PARD3B: variants seen among roughly 807,000 people sequenced by gnomAD.
PARD3B encodes the protein partitioning defective 3 homolog B.
PARD3B carries 103 observed loss-of-function variants against 130.2 expected under a neutral mutation model. The observed-to-expected ratio is 0.79, with a 90% CI of 0.67 to 0.93. The LOEUF is 0.93. Ranked by LOEUF, PARD3B falls within the 40% of genes least tolerant of loss-of-function variation. The probability of loss-of-function intolerance (pLI) is 0.00; values close to 1 mark genes in which losing one functional copy is unlikely to be tolerated. For synonymous variants in PARD3B, 583 were observed against 553.2 expected, an observed-to-expected ratio of 1.05 and a Z score of -0.76; for missense variants, 1,609 against 1,499.2, an observed-to-expected ratio of 1.07 and a Z score of -1.21.
chr2:204,760,363 A>G (rs2040847089), intron 2 of PARD3B, among the ~76,000 whole-genome samples: 1 of 152,102 alleles, frequency 6.6e-6, no homozygotes, highest in South Asian at 2.1e-4. Flanking sequence ...TATACAAACA[A>G]TGGAATAAAT....
At chr2:204,687,780 T>TA (rs2037158295) in intron 2 of PARD3B, among the ~76,000 whole-genome samples, 1 of 152,172 alleles carries the variant, frequency 6.6e-6, no homozygotes, top group African/African-American at 2.4e-5. Flanking sequence ...AATTGTTTAT[T>TA]AATGTAGAAG....
chr2:204,589,941 A>C (rs2033004523), intron 1 of PARD3B, among the ~76,000 whole-genome samples: 1 of 152,164 alleles, frequency 6.6e-6, no homozygotes, highest in Non-Finnish European at 1.5e-5. Context: ...TAGAGCTTTG[A>C]GTTCTAGTCT....
chr2:204,686,375 T>A, intron 2 of PARD3B, 93 bp downstream of exon 2: 2 of 936,988 alleles, frequency 2.1e-6, no homozygotes, highest in South Asian at 2.7e-5. Flanking sequence ...ATGTGTCAAT[T>A]ATTATTAAAA....
Position 205,296,668 on chromosome 2 carries a change from T to C in PARD3B, c.2186-3862T>C, listed in dbSNP as rs2041805562. 2.9e-5 allele frequency among the ~76,000 whole-genome samples: 4 copies of C among 139,742 alleles called. 1 individual carries two copies. The highest frequency in any genetic ancestry group is 2.0e-4 in the East Asian group (1 of 4,962). 91.7% of individuals were successfully genotyped at this position (139,742 alleles called of 152,430 possible). On this transcript the variant is annotated intron_variant, in intron 16 of 22. Transcript: ENST00000406610. ...GTCTTGGAGTGTGTTTGTGTATGTG[T>C]GTGTGTGTGTGTGTGTGTGTGTGTG...
chr2:205,107,462 C>G (rs542674465), intron 5 of PARD3B, among the ~76,000 whole-genome samples: 1 of 152,116 alleles, frequency 6.6e-6, no homozygotes, highest in African/African-American at 2.4e-5. Context: ...TACAGACAAC[C>G]GACTTAGCAC....
intron 18 of PARD3B, among the ~76,000 whole-genome samples, chr2:205,344,259 G>T (rs1168251394): frequency 6.6e-6 from 1 of 151,192 alleles, no homozygotes; most frequent in Non-Finnish European, 1.5e-5. Context: ...GAGACCAAAA[G>T]CCGTGGAACT....
At chr2:205,118,858 A>T (rs1309552227) in intron 6 of PARD3B, 63 bp from the exon 7 acceptor site, 2 of 1,153,690 alleles carry the variant, frequency 1.7e-6, no homozygotes, top group Non-Finnish European at 2.4e-6. Flanking sequence ...AATAGTTGCA[A>T]GTGGAGAAAT....
intron 1 of PARD3B, among the ~76,000 whole-genome samples, chr2:204,549,779 A>G (rs2030307925): frequency 6.6e-6 from 1 of 152,204 alleles, no homozygotes. Flanking sequence ...TTATTTGTTA[A>G]TGGGATTATT....
intron 18 of PARD3B, among the ~76,000 whole-genome samples, chr2:205,320,519 A>T (rs1156670480): frequency 3.3e-5 from 5 of 152,210 alleles, no homozygotes; most frequent in Non-Finnish European, 7.3e-5. Context: ...ATAGGATGTA[A>T]TAGAAATTCT....
rs551392545 is a variant in PARD3B, at chr2:204,977,598, A to G, written c.394+12275A>G. On this transcript the variant is annotated intron_variant, in intron 3 of 22. Transcript: ENST00000406610. Reference sequence around the variant, plus strand: ...GCCTAGGCGGGTGGATCACGAGGTCAGGAGATCGAGACCATCCTGGCTAAC... The same window carrying G: ...GCCTAGGCGGGTGGATCACGAGGTCGGGAGATCGAGACCATCCTGGCTAAC... 8.7e-4 allele frequency among the ~76,000 whole-genome samples: 132 copies of G among 152,124 alleles called. 1 individual carries two copies. The highest frequency in any genetic ancestry group is 1.4e-3 in the Non-Finnish European group (95 of 68,020).
chr2:205,591,812 G>A lies in PARD3B; in HGVS notation c.3261-23644G>A, dbSNP rs922924498. ...GTCACTGAAGAAAAGGAAGCTGTCC[G>A]GTTTGGATAAAAATTCAATGTCCTC... On this transcript the variant is annotated intron_variant, in intron 22 of 22. Coordinates refer to ENST00000406610, the MANE Select transcript of PARD3B (RefSeq NM_001302769.2). This position sits in a 1 kb window ranked among gnomAD's most constrained non-coding sequence, Gnocchi z 4.2. Among the ~76,000 whole-genome samples the A allele has an allele frequency of 1.3e-5, 2 of 152,184 alleles. No homozygotes were observed. Among genetic ancestry groups the A allele is most frequent in the Non-Finnish European group, 2.9e-5 (2 of 68,038 alleles).
At chr2:205,435,699 G>A (rs2047488758) in intron 19 of PARD3B, among the ~76,000 whole-genome samples, 1 of 151,958 alleles carries the variant, frequency 6.6e-6, no homozygotes, top group African/African-American at 2.4e-5. Context: ...AAATGAAGAA[G>A]GGTGAAAATA....
chr2:205,350,895 T>C lies in PARD3B; in HGVS notation c.2630+49194T>C, dbSNP rs575156203. On this transcript the variant is annotated intron_variant, in intron 18 of 22. Coordinates refer to ENST00000406610, the MANE Select transcript of PARD3B (RefSeq NM_001302769.2). Reference sequence around the variant, plus strand: ...AAAGTATATTCTTGACTTTTCTCGTTTTTAATTATTATTAATACTTAATAG... The same window carrying C: ...AAAGTATATTCTTGACTTTTCTCGTCTTTAATTATTATTAATACTTAATAG... 2.0e-5 allele frequency among the ~76,000 whole-genome samples: 3 copies of C among 152,352 alleles called. No individual in the cohort carries two copies. The South Asian group carries it at 6.2e-4, about 32-fold the overall frequency.
chr2:204,564,061 A>G (rs2031519122), intron 1 of PARD3B, among the ~76,000 whole-genome samples: 1 of 152,212 alleles, frequency 6.6e-6, no homozygotes, highest in Non-Finnish European at 1.5e-5. Context: ...GGCGTGAGCC[A>G]CTGCGCCCGG....
At chr2:204,697,013 A>AC (rs2037642274) in intron 2 of PARD3B, among the ~76,000 whole-genome samples, 1 of 152,096 alleles carries the variant, frequency 6.6e-6, no homozygotes, top group African/African-American at 2.4e-5. Context: ...CTACAAACAG[A>AC]CCAGAAAGAC....
intron 1 of PARD3B, among the ~76,000 whole-genome samples, chr2:204,625,711 T>G (rs1171079697): frequency 6.6e-6 from 1 of 152,188 alleles, no homozygotes; most frequent in East Asian, 1.9e-4. Context: ...TGATCTAACC[T>G]TTGTTTTCGA....
intron 2 of PARD3B, among the ~76,000 whole-genome samples, chr2:204,713,185 G>A (rs931839322): frequency 1.3e-5 from 2 of 152,114 alleles, no homozygotes; most frequent in East Asian, 3.9e-4. Context: ...ACATGGGCAA[G>A]AATGTATATC....
Position 205,176,715 on chromosome 2 carries a change from C to G in PARD3B, c.1924+138C>G. 2.0e-6 allele frequency: 2 copies of G among 977,288 alleles called. No homozygotes were observed. Among genetic ancestry groups the G allele is most frequent in the African/African-American group, 1.7e-5 (1 of 58,324 alleles). The allele number at this position is 977,288 out of a possible 1,614,324, so 60.5% of individuals were successfully genotyped here. A position where few individuals can be genotyped will look rare whatever the true frequency, so the allele number is the denominator to read the frequency against. On this transcript the variant is annotated intron_variant, in intron 13 of 22. Transcript: ENST00000406610. This position sits in a 1 kb window ranked among gnomAD's most constrained non-coding sequence, Gnocchi z 5.3. Reference sequence around the variant, plus strand: ...ACTTTGTTACTCGGAGTCACAAACACTGAGAGAGTTGGGGGAGAGCTGACT... The same window carrying G: ...ACTTTGTTACTCGGAGTCACAAACAGTGAGAGAGTTGGGGGAGAGCTGACT...
chr2:205,263,041 A>G lies in PARD3B; in HGVS notation c.2185+17219A>G, dbSNP rs1412201641. 2.0e-5 allele frequency among the ~76,000 whole-genome samples: 3 copies of G among 152,098 alleles called. No homozygotes were observed. Among genetic ancestry groups the G allele is most frequent in the African/African-American group, 7.2e-5 (3 of 41,434 alleles). ...CAGAGCTAGATTGAAAGCCCAAGGT[A>G]CTGCCATGGGGGTAATTTATGAATC... is the stretch of plus-strand genomic sequence containing the variant. On this transcript the variant is annotated intron_variant, in intron 16 of 22. Transcript: ENST00000406610. This position sits in a 1 kb window ranked among gnomAD's most constrained non-coding sequence, Gnocchi z 4.0.
Sources: gnomAD v4.1 joint callset for allele counts (sites outside exome capture counted in the v4.1 genomes callset) on GRCh38, gnomAD v4.1.1 for gene constraint, Gnocchi (gnomAD v3.1) non-coding constraint, MANE v1.5 for transcripts, NCBI Gene and HGNC (gene_info 2026-07-23, HGNC 2026-07-21) for gene names.